The following ATXN2 variants were observed in gnomAD, a reference collection of about 807,000 sequenced individuals.
ATXN2 encodes the protein ataxin 2.
A neutral mutation model predicts 138.6 loss-of-function variants in ATXN2; 37 were observed. The observed-to-expected ratio is 0.27, with a 90% CI of 0.21 to 0.35. The LOEUF (loss-of-function observed/expected upper bound fraction) is 0.35. ATXN2 is among the 10% of genes least tolerant of loss of function. The pLI, the probability that ATXN2 is intolerant of heterozygous loss-of-function variation, is 1.00. For synonymous variants in ATXN2, 549 were observed against 543.7 expected (o/e 1.01, Z -0.13); for missense variants, 1,216 against 1,480.3 (o/e 0.82, Z 2.93).
chr12:111,598,717 G>A lies in ATXN2; in HGVS notation c.251+67C>T, dbSNP rs1478093828. 5.1e-6 allele frequency: 5 copies of A among 987,588 alleles called. No individual in the cohort carries two copies. Among genetic ancestry groups the A allele is most frequent in the Non-Finnish European group, 6.2e-6 (5 of 802,460 alleles). The allele number at this position is 987,588 out of a possible 1,614,324, so 61.2% of individuals were successfully genotyped here. On this transcript the variant is annotated intron_variant, in intron 1 of 24. Coordinates refer to ENST00000673436, the MANE Select transcript of ATXN2 (RefSeq NM_001372574.1). This position sits in a 1 kb window ranked among gnomAD's most constrained non-coding sequence, Gnocchi z 4.5. Reference sequence around the variant, plus strand: ...CCCGGCGGGTCACGGGGCGGGGACGGCGGCGCGGGCCGCGGGGGAGGGGAC... The same window carrying A: ...CCCGGCGGGTCACGGGGCGGGGACGACGGCGCGGGCCGCGGGGGAGGGGAC...
intron 1 of ATXN2, among the ~76,000 whole-genome samples, chr12:111,596,539 CTAAG>C (rs1195690675): frequency 7.2e-5 from 11 of 152,038 alleles, no homozygotes; most frequent in Admixed American, 6.6e-5. Flanking sequence ...ACGCACAAAC[CTAAG>C]TGAGGAGATT....
At chr12:111,486,957 T>TTTA (rs1877683123) in intron 15 of ATXN2, 133 bp from the exon 16 acceptor site, 1 of 706,384 alleles carries the variant, frequency 1.4e-6, no homozygotes, top group African/African-American at 1.8e-5. Flanking sequence ...ACTAATCGTT[T>TTTA]TTATTGAAAC....
intron 1 of ATXN2, among the ~76,000 whole-genome samples, chr12:111,597,148 G>A (rs1033708507): frequency 2.0e-5 from 3 of 147,302 alleles, no homozygotes; most frequent in African/African-American, 7.5e-5. Flanking sequence ...CAGACTCAGA[G>A]AAGGGGAAGG....
At position 111,479,716 on chromosome 12, in the gene ATXN2, A is replaced by AT. The variant is rs200388976; in HGVS notation, c.2524+5548dup. 3.1e-3 allele frequency among the ~76,000 whole-genome samples: 471 copies of AT among 150,900 alleles called. 3 individuals carry two copies. Among genetic ancestry groups the AT allele is most frequent in the Middle Eastern group, 0.014 (4 of 290 alleles). On this transcript the variant is annotated intron_variant, in intron 18 of 24. Coordinates refer to ENST00000673436, the MANE Select transcript of ATXN2 (RefSeq NM_001372574.1). ...TTCTTAAAACATTATAAGTTTTGCT[A>AT]TTTTTTTTTGTTTTGTTCATCAGCT...
chr12:111,564,753 G>C (rs1882897373), intron 1 of ATXN2: 1 of 152,168 alleles, frequency 6.6e-6, no homozygotes, highest in Non-Finnish European at 1.5e-5. Flanking sequence ...ACAAGACCCT[G>C]TCTTTTAAAA....
intron 1 of ATXN2, among the ~76,000 whole-genome samples, chr12:111,578,598 G>C (rs983031033): frequency 2.6e-5 from 4 of 152,074 alleles, no homozygotes; most frequent in African/African-American, 9.7e-5. Flanking sequence ...TTTGTACAAT[G>C]ATAAGATCAC....
At chr12:111,588,576 C>T (rs1884461403) in intron 1 of ATXN2, among the ~76,000 whole-genome samples, 2 of 149,924 alleles carry the variant, frequency 1.3e-5, no homozygotes, top group African/African-American at 4.9e-5. Context: ...GAGCCGAGAT[C>T]GCACCACTGC....
chr12:111,508,602 A>C (rs1037356226), intron 14 of ATXN2, among the ~76,000 whole-genome samples: 2 of 151,616 alleles, frequency 1.3e-5, no homozygotes, highest in African/African-American at 4.9e-5. Flanking sequence ...GTGCGCCACC[A>C]TGCCTAGCTA....
At chr12:111,507,262 G>A (rs551310327) in intron 14 of ATXN2, among the ~76,000 whole-genome samples, 101 of 147,338 alleles carry the variant, frequency 6.9e-4, no homozygotes, top group Non-Finnish European at 1.1e-3. Flanking sequence ...TGTGGGGAGC[G>A]CCTCTGCCCC....
At chr12:111,557,267 G>A (rs1882444504) in intron 1 of ATXN2, among the ~76,000 whole-genome samples, 2 of 152,308 alleles carry the variant, frequency 1.3e-5, no homozygotes, top group East Asian at 1.9e-4. Flanking sequence ...AACACGACTG[G>A]TCGATCCCTA....
intron 14 of ATXN2, among the ~76,000 whole-genome samples, chr12:111,494,474 G>T (rs548327130): frequency 1.1e-4 from 16 of 145,686 alleles, no homozygotes; most frequent in African/African-American, 3.1e-4. Flanking sequence ...CGCCCAGGCT[G>T]GGGTGCAGTG....
At chr12:111,476,921 A>G (rs1876854868) in intron 18 of ATXN2, among the ~76,000 whole-genome samples, 1 of 152,230 alleles carries the variant, frequency 6.6e-6, no homozygotes, top group African/African-American at 2.4e-5. Context: ...GGAGACTCAT[A>G]TGAACTTAAA....
At chr12:111,592,077 C>CAA (rs113031934) in intron 1 of ATXN2, among the ~76,000 whole-genome samples, 1,755 of 118,922 alleles carry the variant, frequency 0.015, 47 homozygotes, top group African/African-American at 0.049. Context: ...AAAACTGTCT[C>CAA]AAAAAAAAAA....
chr12:111,599,289 A>C lies in ATXN2; in HGVS notation c.-255T>G. 1 of 971,364 alleles carries C rather than the reference A, an allele frequency of 1.0e-6. No homozygotes were observed. The highest frequency in any genetic ancestry group is 1.2e-6 in the Non-Finnish European group (1 of 833,022). 60.2% of individuals were successfully genotyped at this position (971,364 alleles called of 1,614,324 possible). A position where few individuals can be genotyped will look rare whatever the true frequency, so the allele number is the denominator to read the frequency against. ...CCGCCGTTGCCGTTGCTACCAAAAC[A>C]GTCTGAGGCGGAGGGAGGCGAGCTC... is the stretch of plus-strand genomic sequence containing the variant. On this transcript the variant is annotated 5_prime_UTR_variant, in exon 1 of 25. Transcript: ENST00000673436.
intron 14 of ATXN2, among the ~76,000 whole-genome samples, chr12:111,501,001 G>C (rs1473023402): frequency 6.6e-6 from 1 of 152,060 alleles, no homozygotes; most frequent in Non-Finnish European, 1.5e-5. Context: ...AATAACTGAG[G>C]GAGTACAATT....
In ATXN2 at chr12:111,598,443, G is replaced by A; in HGVS notation, c.251+341C>T. 1.0e-6 allele frequency: 1 copy of A among 985,602 alleles called. No homozygotes were observed. The highest frequency in any genetic ancestry group is 4.7e-5 in the South Asian group (1 of 21,298). The allele number at this position is 985,602 out of a possible 1,614,324, so 61.1% of individuals were successfully genotyped here. ...CGAGCATCCCCACGCTGCGGGCGGA[G>A]GATCGTGCGGAAGGGGGAGCCGGGG... On this transcript the variant is annotated intron_variant, in intron 1 of 24. Transcript: ENST00000673436. The surrounding 1 kb of genome is among the most constrained non-coding windows in gnomAD (Gnocchi z 4.5).
In ATXN2 at chr12:111,453,939, A is replaced by G. The variant is rs576881477; in HGVS notation, c.3271-94T>C. ...CTTTCACTGGGCTGGGACTCTCAGG[A>G]AAGGGCAACGGTGGGCCTCAGGGCC... On this transcript the variant is annotated intron_variant, in intron 23 of 24. Transcript: ENST00000673436. The surrounding 1 kb of genome is among the most constrained non-coding windows in gnomAD (Gnocchi z 5.4). 6.4e-5 allele frequency: 86 copies of G among 1,340,758 alleles called. No homozygotes were observed. The highest frequency in any genetic ancestry group is 8.2e-5 in the Non-Finnish European group (80 of 981,134). 83.1% of individuals were successfully genotyped at this position (1,340,758 alleles called of 1,614,324 possible). A position where few individuals can be genotyped will look rare whatever the true frequency, so the allele number is the denominator to read the frequency against.
chr12:111,464,282 G>GTGTGTATA (rs1461443530), intron 21 of ATXN2, among the ~76,000 whole-genome samples: 2 of 146,712 alleles, frequency 1.4e-5, no homozygotes, highest in African/African-American at 5.1e-5. Flanking sequence ...GTGTGTGTGT[G>GTGTGTATA]TATAAATAAA....
intron 20 of ATXN2, among the ~76,000 whole-genome samples, chr12:111,466,283 G>A (rs1264114110): frequency 6.6e-6 from 1 of 151,952 alleles, no homozygotes; most frequent in African/African-American, 2.4e-5. Context: ...CGGATCACGA[G>A]GTCAGGAGAT....
Sources: allele counts gnomAD v4.1 joint callset (sites outside exome capture counted in the v4.1 genomes callset), GRCh38; gene constraint gnomAD v4.1.1; non-coding constraint Gnocchi (gnomAD v3.1); transcripts MANE v1.5; gene names NCBI Gene and HGNC (gene_info 2026-07-23, HGNC 2026-07-21).